EXOC6: variants seen among roughly 807,000 people sequenced by gnomAD.
The protein encoded by EXOC6 is SEC15-like 1.
Under a neutral mutation model 112.5 loss-of-function variants are expected in EXOC6, and 60 were observed. The observed-to-expected ratio is 0.53, with a 90% confidence interval of 0.43 to 0.66. The LOEUF is 0.66. Among genes scored for constraint, EXOC6 ranks in the 30% least tolerant of loss-of-function variants. The pLI, the probability that EXOC6 is intolerant of heterozygous loss-of-function variation, is 0.00. For synonymous variants in EXOC6, 295 were observed against 308.0 expected (o/e 0.96, Z 0.44); for missense variants, 855 against 957.1 (o/e 0.89, Z 1.41).
intron 14 of EXOC6, among the ~76,000 whole-genome samples, chr10:92,949,127 A>T (rs1304160443): frequency 1.3e-5 from 2 of 152,088 alleles, no homozygotes; most frequent in Non-Finnish European, 2.9e-5. Flanking sequence ...TATTCTCTTT[A>T]TTCTTGTTTT....
chr10:92,834,484 G>A (rs1002984400), upstream of EXOC6, among the ~76,000 whole-genome samples: 5 of 152,106 alleles, frequency 3.3e-5, no homozygotes, highest in Non-Finnish European at 7.4e-5. Context: ...GGAACTTTCC[G>A]AACTGTGTCA....
At chr10:92,858,022 T>TCTCCCC (rs1847697751) in intron 1 of EXOC6, among the ~76,000 whole-genome samples, 1 of 101,270 alleles carries the variant, frequency 9.9e-6, no homozygotes, top group Non-Finnish European at 2.0e-5. Flanking sequence ...GTTGACGGGT[T>TCTCCCC]CCCCCCCTCC....
intron 18 of EXOC6, among the ~76,000 whole-genome samples, chr10:92,980,919 CGGGAGGCTGA>C (rs1842803532): frequency 6.6e-6 from 1 of 152,012 alleles, no homozygotes; most frequent in African/African-American, 2.4e-5. Flanking sequence ...TCCAGCTACT[CGGGAGGCTGA>C]GGCAGGAGAA....
In EXOC6 at chr10:92,893,360, A is replaced by T. The variant is rs374679977; in HGVS notation, c.113A>T (p.Asp38Val). 5.0e-6 allele frequency: 8 copies of T among 1,610,720 alleles called. No homozygotes were observed. The highest frequency in any genetic ancestry group is 6.8e-6 in the Non-Finnish European group (8 of 1,178,318). Residue 38 changes from aspartate to valine, a missense_variant, in exon 2 of 22, where the codon GAT (aspartate) becomes GTT (valine). Asp to Val is a radical substitution (Grantham distance 152, BLOSUM62 -3). Coordinates refer to ENST00000260762, the MANE Select transcript of EXOC6 (RefSeq NM_019053.6). ...TTATATACATTCAGGTCTGTGTATG[A>T]TGACCAACCAAATGCGCACAAGAAG... ...CVGPTLRSVY[D>V]DQPNAHKKFM...
intron 20 of EXOC6, among the ~76,000 whole-genome samples, chr10:93,043,663 T>C (rs1348914194): frequency 6.6e-6 from 1 of 152,242 alleles, no homozygotes; most frequent in African/African-American, 2.4e-5. Context: ...TTCCTGTTTT[T>C]AGGTTATCCA....
chr10:92,907,025 A>T (rs1467741108), intron 5 of EXOC6, among the ~76,000 whole-genome samples: 2 of 152,230 alleles, frequency 1.3e-5, no homozygotes, highest in African/African-American at 2.4e-5. Flanking sequence ...GAAAGGATCC[A>T]GGGTCTGGTC....
At chr10:92,975,814 G>T (rs1318743339) in intron 18 of EXOC6, among the ~76,000 whole-genome samples, 2 of 131,130 alleles carry the variant, frequency 1.5e-5, no homozygotes, top group South Asian at 5.0e-4. Flanking sequence ...CCCGCGCCCG[G>T]CCAGCCGCCC....
intron 18 of EXOC6, among the ~76,000 whole-genome samples, chr10:92,989,410 A>T (rs1843141414): frequency 6.6e-6 from 1 of 152,186 alleles, no homozygotes; most frequent in Admixed American, 6.5e-5. Context: ...TTTAGTAAAG[A>T]TGATACCAGT....
Position 92,934,087 on chromosome 10 carries a change from T to C in EXOC6, c.973-57T>C. 3 of 1,072,606 alleles carry C rather than the reference T, an allele frequency of 2.8e-6. No individual in the cohort carries two copies. In the South Asian group the frequency reaches 4.3e-5, roughly 16 times the overall value. 66.4% of individuals were successfully genotyped at this position (1,072,606 alleles called of 1,614,324 possible). A position where few individuals can be genotyped will look rare whatever the true frequency, so the allele number is the denominator to read the frequency against. ...AATGAAGTTGTAGTGACTTGGAACT[T>C]ACCTTTATGTTACCAGTATTTATTG... is the stretch of plus-strand genomic sequence containing the variant. On this transcript the variant is annotated intron_variant, in intron 9 of 21. Coordinates refer to ENST00000260762, the MANE Select transcript of EXOC6 (RefSeq NM_019053.6).
intron 1 of EXOC6, among the ~76,000 whole-genome samples, chr10:92,835,338 A>G (rs1027891881): frequency 6.6e-6 from 1 of 152,176 alleles, no homozygotes; most frequent in Admixed American, 6.5e-5. Context: ...TTGAATACCA[A>G]TATATAAGGT....
At chr10:92,920,415 T>A (rs1233405070) in intron 8 of EXOC6, among the ~76,000 whole-genome samples, 3 of 152,180 alleles carry the variant, frequency 2.0e-5, no homozygotes, top group Non-Finnish European at 4.4e-5. Context: ...GAGATCTAGT[T>A]CACATACGAA....
intron 18 of EXOC6, among the ~76,000 whole-genome samples, chr10:92,985,529 G>A (rs1842969569): frequency 6.6e-6 from 1 of 151,872 alleles, no homozygotes. Context: ...CTCAGGATAC[G>A]AGTAAACATT....
At chr10:92,920,756 T>C (rs1851388711) in intron 8 of EXOC6, among the ~76,000 whole-genome samples, 1 of 152,230 alleles carries the variant, frequency 6.6e-6, no homozygotes, top group South Asian at 2.1e-4. Context: ...TATTCATGTA[T>C]TTTTAGGGCC....
At chr10:92,875,233 CCTGT>C (rs1482805348) in intron 1 of EXOC6, among the ~76,000 whole-genome samples, 2 of 152,118 alleles carry the variant, frequency 1.3e-5, no homozygotes, top group East Asian at 1.9e-4. Flanking sequence ...CATGTTCTTT[CCTGT>C]CTGTCTTTAC....
At chr10:92,919,568 A>G (rs1851312772) in intron 7 of EXOC6, among the ~76,000 whole-genome samples, 2 of 152,204 alleles carry the variant, frequency 1.3e-5, no homozygotes, top group Non-Finnish European at 2.9e-5. Context: ...ATTCAGTGCA[A>G]TAATGACCAA....
At chr10:92,924,731 T>C (rs1851615172) in intron 8 of EXOC6, among the ~76,000 whole-genome samples, 3 of 152,174 alleles carry the variant, frequency 2.0e-5, no homozygotes, top group African/African-American at 4.8e-5. Flanking sequence ...TTTGGTTATG[T>C]GGATGAATTG....
chr10:93,050,411 C>T (rs950281901), intron 20 of EXOC6, among the ~76,000 whole-genome samples: 2 of 151,426 alleles, frequency 1.3e-5, no homozygotes, highest in African/African-American at 2.4e-5. Context: ...ATTAGCCGGG[C>T]GTGGTGGTAT....
chr10:92,889,589 G>C (rs1034421880), intron 1 of EXOC6, among the ~76,000 whole-genome samples: 1 of 152,058 alleles, frequency 6.6e-6, no homozygotes, highest in Non-Finnish European at 1.5e-5. Flanking sequence ...TTGCTCCTTT[G>C]TCAAAATTCA....
At chr10:92,843,002 A>G (rs1401126909) in intron 1 of EXOC6, among the ~76,000 whole-genome samples, 1 of 152,216 alleles carries the variant, frequency 6.6e-6, no homozygotes, top group Non-Finnish European at 1.5e-5. Flanking sequence ...AGCTTAATAC[A>G]TGAACATGGT....
Sources: allele counts gnomAD v4.1 joint callset (sites outside exome capture counted in the v4.1 genomes callset), GRCh38; gene constraint gnomAD v4.1.1; transcripts MANE v1.5; gene names NCBI Gene and HGNC (gene_info 2026-07-23, HGNC 2026-07-21).